Variants in YAF2 observed in about 807,000 individuals in gnomAD.
YAF2 encodes the protein YY1 associated factor 2.
Under a neutral mutation model 20.1 loss-of-function variants are expected in YAF2, and 7 were observed. The observed-to-expected ratio is 0.35, with a 90% CI of 0.20 to 0.65. The LOEUF is 0.65. YAF2 is among the 30% of genes least tolerant of loss of function. The probability of loss-of-function intolerance (pLI) is 0.69; values close to 1 mark genes in which losing one functional copy is unlikely to be tolerated. For missense variants in YAF2, 151 were observed against 219.2 expected, an observed-to-expected ratio of 0.69 and a Z score of 1.96; for synonymous variants, 74 against 76.0, an observed-to-expected ratio of 0.97 and a Z score of 0.14.
In YAF2 at chr12:42,160,355, C is replaced by A; in HGVS notation, c.*234G>T. On this transcript the variant is annotated 3_prime_UTR_variant, in exon 4 of 4. Coordinates refer to ENST00000534854, the MANE Select transcript of YAF2 (RefSeq NM_005748.6). ...CAATAACACTGCATAATGAATAATT[C>A]AACCACATTTTCATGGCACTTAACT... 1 of 474,284 alleles carries A rather than the reference C, an allele frequency of 2.1e-6. No individual in the cohort carries two copies. Among genetic ancestry groups the A allele is most frequent in the Non-Finnish European group, 3.7e-6 (1 of 268,296 alleles). The allele number at this position is 474,284 out of a possible 1,614,324, so 29.4% of individuals were successfully genotyped here. A position where few individuals can be genotyped will look rare whatever the true frequency, so the allele number is the denominator to read the frequency against.
intron 2 of YAF2, among the ~76,000 whole-genome samples, chr12:42,173,708 C>A (rs559117777): frequency 6.6e-6 from 1 of 152,152 alleles, no homozygotes; most frequent in East Asian, 1.9e-4. Context: ...ACTCTTGCTT[C>A]CATTAATTTA....
chr12:42,189,518 G>T (rs1383772628), intron 2 of YAF2, among the ~76,000 whole-genome samples: 1 of 152,142 alleles, frequency 6.6e-6, no homozygotes, highest in Non-Finnish European at 1.5e-5. Context: ...AACCATTAGG[G>T]GCCTGAGAGC....
intron 2 of YAF2, chr12:42,237,352 A>T (rs2068199090): frequency 3.5e-6 from 4 of 1,140,930 alleles, no homozygotes; most frequent in Non-Finnish European, 4.4e-6. Flanking sequence ...CGCAGTAGCT[A>T]ATGCCTCCCT....
At chr12:42,199,271 A>G (rs1452984659) in intron 2 of YAF2, 19 of 1,150,238 alleles carry the variant, frequency 1.7e-5, no homozygotes, top group Non-Finnish European at 2.2e-5. Flanking sequence ...AAGAAACACT[A>G]TGTACACATG....
Position 42,233,333 on chromosome 12 carries a change from C to G in YAF2, c.152+4266G>C. The G allele has an allele frequency of 3.0e-6, 3 of 985,126 alleles. No homozygotes were observed. The South Asian group carries it at 1.4e-4, about 46-fold the overall frequency. The allele number at this position is 985,126 out of a possible 1,614,324, so 61.0% of individuals were successfully genotyped here. Reference sequence around the variant, plus strand: ...TTAGACCACAGTTTGAAACCCAAACCAATAATTCTATCATTTTCATTTCTA... The same window carrying G: ...TTAGACCACAGTTTGAAACCCAAACGAATAATTCTATCATTTTCATTTCTA... On this transcript the variant is annotated intron_variant, in intron 2 of 3. Transcript: ENST00000534854.
intron 2 of YAF2, among the ~76,000 whole-genome samples, chr12:42,189,032 G>A (rs1427055986): frequency 1.3e-5 from 2 of 152,168 alleles, no homozygotes; most frequent in Admixed American, 6.5e-5. Flanking sequence ...GTGGAAATGT[G>A]TCAGGAAAGC....
At chr12:42,181,852 A>G (rs1469205579) in intron 2 of YAF2, among the ~76,000 whole-genome samples, 2 of 152,178 alleles carry the variant, frequency 1.3e-5, no homozygotes, top group African/African-American at 4.8e-5. Flanking sequence ...ATGAATGAGA[A>G]GCGTAGTAAT....
intron 2 of YAF2, chr12:42,232,433 C>T (rs950283735): frequency 3.0e-6 from 3 of 985,310 alleles, no homozygotes; most frequent in African/African-American, 3.5e-5. Context: ...CCAGACTACA[C>T]AAACACTAAT....
intron 2 of YAF2, among the ~76,000 whole-genome samples, chr12:42,207,747 C>T (rs1314043557): frequency 3.9e-5 from 6 of 151,956 alleles, no homozygotes; most frequent in Admixed American, 2.0e-4. Context: ...AAAAATTAGC[C>T]GGGCGTCGTG....
At chr12:42,164,364 GAGC>G (rs2065864639) in intron 2 of YAF2, among the ~76,000 whole-genome samples, 1 of 152,174 alleles carries the variant, frequency 6.6e-6, no homozygotes, top group Non-Finnish European at 1.5e-5. Flanking sequence ...CCTTCTGTGT[GAGC>G]AGGAGGTCAA....
At chr12:42,189,049 G>A (rs1474961519) in intron 2 of YAF2, among the ~76,000 whole-genome samples, 1 of 152,172 alleles carries the variant, frequency 6.6e-6, no homozygotes, top group African/African-American at 2.4e-5. Flanking sequence ...AAGCCTTCCT[G>A]TAGAGATGAT....
At chr12:42,219,810 G>A (rs2067462530) in intron 2 of YAF2, among the ~76,000 whole-genome samples, 1 of 152,220 alleles carries the variant, frequency 6.6e-6, no homozygotes, top group Non-Finnish European at 1.5e-5. Context: ...TTCTGATTCA[G>A]TAAGTCCTCA....
intron 2 of YAF2, among the ~76,000 whole-genome samples, chr12:42,183,408 A>C (rs1243237021): frequency 6.6e-6 from 1 of 152,204 alleles, no homozygotes; most frequent in African/African-American, 2.4e-5. Context: ...CTTTTGTGCC[A>C]GTTAGCTAAG....
intron 1 of YAF2, 109 bp from the exon 2 acceptor site, chr12:42,237,833 C>T (rs1464881466): frequency 4.3e-6 from 4 of 933,216 alleles, no homozygotes; most frequent in East Asian, 1.1e-4. Context: ...AATTCTGCGA[C>T]CCCCGCCCCG....
At position 42,178,742 on chromosome 12, in the gene YAF2, A is replaced by T. The variant is rs2066262179; in HGVS notation, c.153-16977T>A. 1.3e-5 allele frequency among the ~76,000 whole-genome samples: 2 copies of T among 152,220 alleles called. 1 individual carries two copies. Among genetic ancestry groups the T allele is most frequent in the Admixed American group, 1.3e-4 (2 of 15,276 alleles). ...TGGATACTGAATACATGCTAAATGA[A>T]GAAAATTTGCTTATAAAATTATGTG... On this transcript the variant is annotated intron_variant, in intron 2 of 3. Transcript: ENST00000534854.
At chr12:42,182,661 C>T (rs565471962) in intron 2 of YAF2, among the ~76,000 whole-genome samples, 52 of 152,314 alleles carry the variant, frequency 3.4e-4, no homozygotes, top group African/African-American at 1.2e-3. Context: ...ACACTTCCCA[C>T]ACTCAATGAG....
At chr12:42,211,677 G>A (rs183267009) in intron 2 of YAF2, among the ~76,000 whole-genome samples, 1 of 150,664 alleles carries the variant, frequency 6.6e-6, no homozygotes, top group Admixed American at 6.6e-5. Flanking sequence ...CTCGGGAGGT[G>A]GAGGTCGCAA....
At chr12:42,229,407 A>G (rs1038688549) in intron 2 of YAF2, among the ~76,000 whole-genome samples, 1 of 128,430 alleles carries the variant, frequency 7.8e-6, no homozygotes, top group African/African-American at 3.2e-5. Context: ...AGAATTATCA[A>G]TAAAAAAATA....
At chr12:42,233,906 C>T in intron 2 of YAF2, 1 of 985,420 alleles carries the variant, frequency 1.0e-6, no homozygotes, top group Non-Finnish European at 1.2e-6. Context: ...CACAGTGTCT[C>T]ACTCCTGTAA....
Sources: gnomAD v4.1 joint callset for allele counts (sites outside exome capture counted in the v4.1 genomes callset) on GRCh38, gnomAD v4.1.1 for gene constraint, MANE v1.5 for transcripts, NCBI Gene and HGNC (gene_info 2026-07-23, HGNC 2026-07-21) for gene names.